Variants in MCF2L observed in about 807,000 individuals in gnomAD.
The protein encoded by MCF2L is MCF.2 cell line derived transforming sequence like, also known as guanine nucleotide exchange factor DBS.
A neutral mutation model predicts 153.4 loss-of-function variants in MCF2L; 97 were observed. That is an observed-to-expected ratio of 0.63 (90% CI 0.54 to 0.75). The LOEUF (loss-of-function observed/expected upper bound fraction) is 0.75. Ranked by LOEUF, MCF2L falls within the 30% of genes least tolerant of loss-of-function variation. MCF2L has a pLI of 0.00. For synonymous variants in MCF2L, 659 were observed against 632.2 expected (o/e 1.04, Z -0.64); for missense variants, 1,347 against 1,495.2 (o/e 0.90, Z 1.64).
intron 3 of MCF2L, chr13:113,044,352 C>A (rs1450243610): frequency 8.7e-6 from 3 of 344,104 alleles, no homozygotes; most frequent in Admixed American, 7.7e-5. Flanking sequence ...TAAATCCGAG[C>A]GTCAGAAGGA....
intron 2 of MCF2L, among the ~76,000 whole-genome samples, chr13:112,930,530 G>A (rs758233335): frequency 6.6e-6 from 1 of 152,216 alleles, no homozygotes; most frequent in Non-Finnish European, 1.5e-5. Context: ...TTGCTGAGAG[G>A]AGAGAGGGGT....
Position 113,096,471 on chromosome 13 carries a change from A to C in MCF2L, c.3176A>C (p.Asp1059Ala). 1 of 1,588,778 alleles carries C rather than the reference A, an allele frequency of 6.3e-7. No individual in the cohort carries two copies. The highest frequency in any genetic ancestry group is 8.6e-7 in the Non-Finnish European group (1 of 1,168,906). The change falls in exon 28 of 30, where the codon GAC becomes GCC. Residue 1059 changes from aspartate to alanine, a missense_variant. By Grantham distance (126) the Asp-to-Ala change is moderately radical (BLOSUM62 -2). Transcript: ENST00000535094. ...GTGGTGGAGCTGGTGCAGGAGGGCGACGAGGGCCTCTGGTAAGACCCCGCG... is the reference window on the plus strand; with the variant it reads ...GTGGTGGAGCTGGTGCAGGAGGGCGCCGAGGGCCTCTGGTAAGACCCCGCG... ...GDVVELVQEG[D>A]EGLWYVRDPT...
chr13:113,017,389 G>T (rs1234824161), intron 2 of MCF2L, among the ~76,000 whole-genome samples: 1 of 152,214 alleles, frequency 6.6e-6, no homozygotes, highest in African/African-American at 2.4e-5. Flanking sequence ...CTGTACGTCG[G>T]TGTCTCCTCT....
rs1038181005 is a variant in MCF2L, at chr13:113,028,820, C to A, written c.278+4062C>A. On this transcript the variant is annotated intron_variant, in intron 3 of 29. Coordinates refer to ENST00000535094, the MANE Select transcript of MCF2L (RefSeq NM_001112732.3). The surrounding 1 kb of genome is among the most constrained non-coding windows in gnomAD (Gnocchi z 5.4). ...GTGGTGTGAGTGTGTGTAATGTGAG[C>A]CTGTGGTGTGTGTGGGGTGAGTGTG... 1.3e-5 allele frequency among the ~76,000 whole-genome samples: 2 copies of A among 151,446 alleles called. No homozygotes were observed. Among genetic ancestry groups the A allele is most frequent in the Non-Finnish European group, 1.5e-5 (1 of 67,810 alleles).
Position 113,086,156 on chromosome 13 carries a change from G to A in MCF2L, c.2280G>A (p.Gly760=), listed in dbSNP as rs772139118. The change falls in exon 21 of 30, where the codon GGG becomes GGA. Residue 760 remains glycine (G), a synonymous_variant. Transcript: ENST00000535094. ...EMLKYSRNCE[G]AEDLQEALSS... ...TGAAATACAGCAGGAACTGCGAGGG[G>A]GCTGAGGACCTGCAGGAGGCGCTGA... The A allele has an allele frequency of 3.7e-6, 6 of 1,610,488 alleles. No homozygotes were observed. The highest frequency in any genetic ancestry group is 4.2e-6 in the Non-Finnish European group (5 of 1,178,618).
Position 113,082,448 on chromosome 13 carries a change from A to C in MCF2L, c.1897A>C (p.Asn633His). The C allele has an allele frequency of 6.2e-7, 1 of 1,613,662 alleles. No individual in the cohort carries two copies. Among genetic ancestry groups the C allele is most frequent in the Non-Finnish European group, 8.5e-7 (1 of 1,179,620 alleles). ...GCAGGGCTACGCCGCGGAGATGGAT[A>C]ACCCACTGATGGCTCACCTCCTGTC... ...VLEGYAAEMD[N>H]PLMAHLLSTG... Residue 633 changes from asparagine (N) to histidine (H), a missense_variant, in exon 17 of 30, where the codon AAC (asparagine) becomes CAC (histidine). By Grantham distance (68) the Asn-to-His change is moderately conservative. Transcript: ENST00000535094.
At chr13:112,930,139 C>G (rs543195835) in intron 2 of MCF2L, among the ~76,000 whole-genome samples, 11 of 152,082 alleles carry the variant, frequency 7.2e-5, no homozygotes, top group Non-Finnish European at 1.5e-4. Context: ...ACAGTATGGC[C>G]GTTACTTCCA....
At chr13:112,923,897 C>A (rs2140580590) in intron 2 of MCF2L, among the ~76,000 whole-genome samples, 1 of 152,214 alleles carries the variant, frequency 6.6e-6, no homozygotes, top group South Asian at 2.1e-4. Flanking sequence ...CATGACACCG[C>A]CACTTTGGAG....
intron 1 of MCF2L, among the ~76,000 whole-genome samples, chr13:112,901,608 T>C (rs2081120392): frequency 6.6e-6 from 1 of 152,220 alleles, no homozygotes. Flanking sequence ...TGCCGGCAAG[T>C]GACTCTGAGG....
intron 9 of MCF2L, among the ~76,000 whole-genome samples, chr13:113,073,454 G>T (rs1881897276): frequency 6.6e-6 from 1 of 152,150 alleles, no homozygotes; most frequent in Non-Finnish European, 1.5e-5. Flanking sequence ...CCAGATGCAG[G>T]GGGTTCAAGG....
intron 3 of MCF2L, among the ~76,000 whole-genome samples, chr13:113,025,998 T>G (rs1282881461): frequency 4.9e-5 from 4 of 82,030 alleles, no homozygotes; most frequent in Admixed American, 1.2e-4. Context: ...AGAGTCTCCG[T>G]GAGGTTTCAT....
chr13:112,991,396 GT>G, intron 1 of MCF2L, among the ~76,000 whole-genome samples: 1 of 151,994 alleles, frequency 6.6e-6, no homozygotes, highest in African/African-American at 2.4e-5. Context: ...GATTCGCTGT[GT>G]TTTGGGGGGT....
chr13:112,928,727 G>A (rs1161887363), intron 2 of MCF2L, among the ~76,000 whole-genome samples: 1 of 152,232 alleles, frequency 6.6e-6, no homozygotes, highest in Non-Finnish European at 1.5e-5. Flanking sequence ...TAAAACGCAT[G>A]TGGTCTTGGC....
intron 12 of MCF2L, 69 bp downstream of exon 12, chr13:113,076,226 G>T: frequency 9.0e-7 from 1 of 1,108,200 alleles, no homozygotes; most frequent in Non-Finnish European, 1.3e-6. Flanking sequence ...TCTGTGGGAA[G>T]TTTGAAAGAA....
chr13:112,995,162 C>T (rs934495177), intron 1 of MCF2L, among the ~76,000 whole-genome samples: 3 of 152,158 alleles, frequency 2.0e-5, no homozygotes, highest in African/African-American at 7.2e-5. Context: ...GCACTGTGCC[C>T]GTGCCCCGGG....
intron 2 of MCF2L, among the ~76,000 whole-genome samples, chr13:112,906,069 T>G (rs191865395): frequency 1.4e-4 from 21 of 152,322 alleles, no homozygotes; most frequent in Admixed American, 1.2e-3. Context: ...GAGGCCTGGG[T>G]CCTGCTGGGT....
At chr13:113,004,218 A>T (rs2083547231) in intron 1 of MCF2L, among the ~76,000 whole-genome samples, 1 of 152,154 alleles carries the variant, frequency 6.6e-6, no homozygotes, top group Admixed American at 6.5e-5. Flanking sequence ...TACTACATAG[A>T]GGCCACCTGG....
At chr13:112,974,059 G>A (rs1192770223) in intron 1 of MCF2L, among the ~76,000 whole-genome samples, 3 of 152,080 alleles carry the variant, frequency 2.0e-5, no homozygotes, top group African/African-American at 4.8e-5. Flanking sequence ...CCATCCTGGC[G>A]CTTCCTCACC....
Position 113,087,473 on chromosome 13 carries a change from C to A in MCF2L, c.2595+17C>A. 6.3e-7 allele frequency: 1 copy of A among 1,577,152 alleles called. No homozygotes were observed. The highest frequency in any genetic ancestry group is 1.1e-5 in the South Asian group (1 of 87,586). On this transcript the variant is annotated intron_variant, in intron 22 of 29. Coordinates refer to ENST00000535094, the MANE Select transcript of MCF2L (RefSeq NM_001112732.3). The stretch of plus-strand genomic sequence containing the variant: ...TCCTTAAACGTAAGTGAGGCCGGGT[C>A]TGCAGCAGCACGCTCCTGGCCACAG...
Sources: allele counts gnomAD v4.1 joint callset (sites outside exome capture counted in the v4.1 genomes callset), GRCh38; gene constraint gnomAD v4.1.1; non-coding constraint Gnocchi (gnomAD v3.1); transcripts MANE v1.5; gene names NCBI Gene and HGNC (gene_info 2026-07-23, HGNC 2026-07-21).